FUT8: variants seen among roughly 807,000 people sequenced by gnomAD.
FUT8 encodes the protein alpha-(1,6)-fucosyltransferase.
FUT8 carries 29 observed loss-of-function variants against 71.3 expected under a neutral mutation model. That is an observed-to-expected ratio of 0.41 (90% CI 0.30 to 0.55). The LOEUF (loss-of-function observed/expected upper bound fraction) is 0.55. Among genes scored for constraint, FUT8 ranks in the 20% least tolerant of loss-of-function variants. The pLI, the probability that FUT8 is intolerant of heterozygous loss-of-function variation, is 0.34. For missense variants in FUT8, 544 were observed against 702.1 expected (o/e 0.77, Z 2.55); for synonymous variants, 254 against 239.3 (o/e 1.06, Z -0.57).
intron 3 of FUT8, among the ~76,000 whole-genome samples, chr14:65,615,547 A>G (rs1243714898): frequency 1.3e-5 from 2 of 152,206 alleles, no homozygotes; most frequent in Non-Finnish European, 2.9e-5. Context: ...AATACATTAT[A>G]TTTGATGTTT....
chr14:65,698,748 C>T (rs941134993), intron 7 of FUT8, among the ~76,000 whole-genome samples: 3 of 152,032 alleles, frequency 2.0e-5, no homozygotes, highest in Admixed American at 2.0e-4. Flanking sequence ...CTGTGGGATC[C>T]CTGTTAGGTA....
intron 7 of FUT8, among the ~76,000 whole-genome samples, chr14:65,704,888 A>G (rs1894481563): frequency 6.6e-6 from 1 of 152,150 alleles, no homozygotes; most frequent in Non-Finnish European, 1.5e-5. Flanking sequence ...TTAGTCCCCA[A>G]CCCAGAGTTA....
intron 2 of FUT8, chr14:65,468,188 GCATTCCTTTTTGAATAGTACC>G (rs1407896243): frequency 4.7e-6 from 3 of 634,366 alleles, no homozygotes; most frequent in Non-Finnish European, 8.9e-6. Flanking sequence ...CACTCGCGGA[GCATTCCTTTTTGAATAGTACC>G]CATTCCCTTG....
the FUT8 span, among the ~76,000 whole-genome samples, chr14:65,381,818 T>A: frequency 2.0e-5 from 3 of 152,172 alleles, no homozygotes; most frequent in Non-Finnish European, 4.4e-5. Context: ...TTACCCATAG[T>A]CAACTCATAT....
intron 1 of FUT8, among the ~76,000 whole-genome samples, chr14:65,445,335 A>T (rs1013680413): frequency 6.6e-6 from 1 of 152,222 alleles, no homozygotes; most frequent in Non-Finnish European, 1.5e-5. Flanking sequence ...TCCTCACCAG[A>T]TGCTGGCGCC....
chr14:65,572,739 T>A (rs1231990078), intron 3 of FUT8, among the ~76,000 whole-genome samples: 6 of 151,996 alleles, frequency 3.9e-5, no homozygotes, highest in African/African-American at 1.5e-4. Flanking sequence ...GATAAAGGAG[T>A]AATGAGGACA....
chr14:65,465,772 A>C (rs2066033885), intron 2 of FUT8, among the ~76,000 whole-genome samples: 1 of 152,162 alleles, frequency 6.6e-6, no homozygotes. Flanking sequence ...GTGTTCTATA[A>C]ATGTCAGTTA....
At chr14:65,524,550 T>C (rs539211184) in intron 2 of FUT8, among the ~76,000 whole-genome samples, 1 of 152,194 alleles carries the variant, frequency 6.6e-6, no homozygotes, top group Non-Finnish European at 1.5e-5. Context: ...CTTTTCTCAA[T>C]TGAATGCCCT....
chr14:65,611,833 G>A (rs1026345248), intron 3 of FUT8, among the ~76,000 whole-genome samples: 1 of 152,034 alleles, frequency 6.6e-6, no homozygotes, highest in African/African-American at 2.4e-5. Flanking sequence ...GCTAATTTTT[G>A]TATTTTTCAT....
chr14:65,730,965 G>A (rs1895951470), intron 9 of FUT8, among the ~76,000 whole-genome samples: 1 of 152,186 alleles, frequency 6.6e-6, no homozygotes, highest in African/African-American at 2.4e-5. Context: ...TGCTGAATGA[G>A]TTCTTTCTAA....
rs140591610 is a variant in FUT8, at chr14:65,482,532, A to G, written c.-228+26814A>G. ...TTCCAATTAAGCCTTTGTGAAAATC[A>G]ATTTCTAAATGGATCACAACTCCAG... On this transcript the variant is annotated intron_variant, in intron 2 of 10. Transcript: ENST00000673929. Among the ~76,000 whole-genome samples, 3 of 152,294 alleles carry G rather than the reference A, an allele frequency of 2.0e-5. No individual in the cohort carries two copies. In the East Asian group the frequency reaches 5.8e-4, roughly 29 times the overall value.
At chr14:65,514,650 C>A (rs777130013) in intron 2 of FUT8, among the ~76,000 whole-genome samples, 4 of 151,618 alleles carry the variant, frequency 2.6e-5, no homozygotes, top group African/African-American at 7.3e-5. Context: ...TTGTCTTCAC[C>A]GCTGAGTAGG....
At chr14:65,686,752 T>G (rs1208195830) in intron 7 of FUT8, among the ~76,000 whole-genome samples, 34 of 152,222 alleles carry the variant, frequency 2.2e-4, no homozygotes, top group Non-Finnish European at 2.9e-5. Context: ...TGTATCTGTT[T>G]ACCATGAAAG....
the FUT8 span, among the ~76,000 whole-genome samples, chr14:65,382,402 T>G: frequency 6.6e-6 from 1 of 152,206 alleles, no homozygotes; most frequent in African/African-American, 2.4e-5. Context: ...AGTGGCGTGA[T>G]CTCGGCTCAC....
intron 7 of FUT8, among the ~76,000 whole-genome samples, chr14:65,700,024 A>G (rs1431976823): frequency 2.0e-5 from 3 of 152,174 alleles, no homozygotes; most frequent in African/African-American, 7.2e-5. Flanking sequence ...CAATACTGCA[A>G]GGAAAAGAAA....
intron 6 of FUT8, among the ~76,000 whole-genome samples, chr14:65,649,655 T>A (rs1357040544): frequency 6.6e-6 from 1 of 152,220 alleles, no homozygotes; most frequent in African/African-American, 2.4e-5. Context: ...GCCTACACAC[T>A]ACAGAGGCTT....
At chr14:65,391,316 T>C in the FUT8 span, among the ~76,000 whole-genome samples, 1 of 152,166 alleles carries the variant, frequency 6.6e-6, no homozygotes, top group Non-Finnish European at 1.5e-5. Context: ...TGTAGCTGTT[T>C]GAAAGAGAAT....
chr14:65,532,395 T>G (rs1053583884), intron 2 of FUT8, among the ~76,000 whole-genome samples: 2 of 152,212 alleles, frequency 1.3e-5, no homozygotes, highest in African/African-American at 4.8e-5. Flanking sequence ...TTGATCAATG[T>G]TGGGCTTTTT....
chr14:65,600,340 G>A (rs1888228726), intron 3 of FUT8, among the ~76,000 whole-genome samples: 1 of 152,086 alleles, frequency 6.6e-6, no homozygotes, highest in East Asian at 1.9e-4. Flanking sequence ...CTAGCTCTAA[G>A]TAGTCAGTGA....
Sources: allele counts gnomAD v4.1 joint callset (sites outside exome capture counted in the v4.1 genomes callset), GRCh38; gene constraint gnomAD v4.1.1; transcripts MANE v1.5; gene names NCBI Gene and HGNC (gene_info 2026-07-23, HGNC 2026-07-21).